Variants in CACHD1 observed in about 807,000 individuals in gnomAD.
CACHD1 encodes the protein cache domain containing 1, also known as VWFA and cache domain-containing protein 1.
A neutral mutation model predicts 138.7 loss-of-function variants in CACHD1; 71 were observed. That is an observed-to-expected ratio of 0.51 (90% CI 0.42 to 0.62). The LOEUF is 0.62. Among genes scored for constraint, CACHD1 ranks in the 20% least tolerant of loss-of-function variants. The pLI is 0.00. For missense variants in CACHD1, 1,389 were observed against 1,625.3 expected, an observed-to-expected ratio of 0.85 and a Z score of 2.50; for synonymous variants, 578 against 591.5, an observed-to-expected ratio of 0.98 and a Z score of 0.33.
chr1:64,595,650 C>T (rs1259509976), intron 3 of CACHD1, among the ~76,000 whole-genome samples: 3 of 152,126 alleles, frequency 2.0e-5, no homozygotes, highest in South Asian at 2.1e-4. Flanking sequence ...TGTGGTTGTG[C>T]GCCCACTTCC....
chr1:64,616,232 A>G (rs1284111283), intron 4 of CACHD1, among the ~76,000 whole-genome samples: 2 of 152,110 alleles, frequency 1.3e-5, no homozygotes, highest in African/African-American at 4.8e-5. Flanking sequence ...TAGTTACCTA[A>G]TCTTGAGACC....
Position 64,691,904 on chromosome 1 carries a change from A to C in CACHD1, c.*343A>C. On this transcript the variant is annotated 3_prime_UTR_variant, in exon 27 of 27. Transcript: ENST00000651257. ...CCAGAGGAATGTTCCAAAGAGCCAG[A>C]AGCATTCAGCTCTCCTTAACTGGAA... 1 of 291,378 alleles carries C rather than the reference A, an allele frequency of 3.4e-6. No homozygotes were observed. The highest frequency in any genetic ancestry group is 6.6e-6 in the Non-Finnish European group (1 of 151,272). 18.0% of individuals were successfully genotyped at this position (291,378 alleles called of 1,614,324 possible). A position where few individuals can be genotyped will look rare whatever the true frequency, so the allele number is the denominator to read the frequency against.
At chr1:64,574,291 C>T (rs1646949799) in intron 2 of CACHD1, among the ~76,000 whole-genome samples, 1 of 152,164 alleles carries the variant, frequency 6.6e-6, no homozygotes, top group African/African-American at 2.4e-5. Flanking sequence ...ATATCTGCTC[C>T]GCCTAGCTCC....
chr1:64,603,466 T>G (rs1351120087), intron 4 of CACHD1, among the ~76,000 whole-genome samples: 1 of 152,160 alleles, frequency 6.6e-6, no homozygotes, highest in Non-Finnish European at 1.5e-5. Context: ...TCTATGCTCT[T>G]CAATCTATTA....
chr1:64,593,026 A>G (rs1338506196), intron 3 of CACHD1, among the ~76,000 whole-genome samples: 1 of 152,244 alleles, frequency 6.6e-6, no homozygotes, highest in Non-Finnish European at 1.5e-5. Flanking sequence ...ATGGGAATCT[A>G]TTAACTAAAG....
rs750590242 is a variant in CACHD1 at position 64,652,167 on chromosome 1, T to A, written c.1397T>A (p.Ile466Lys). The stretch of plus-strand genomic sequence containing the variant: ...TTTTGTTTTTAACCCATAGGTTTGA[T>A]AATGACTGTGAGTAAACCCTGTTAT... ...PFSDEMGDGL[I>K]MTVSKPCYFG... The change falls in exon 10 of 27, where the codon ATA becomes AAA. Residue 466 changes from isoleucine (I) to lysine (K), a missense_variant. Ile to Lys is a moderately radical substitution (Grantham distance 102). Coordinates refer to ENST00000651257, the MANE Select transcript of CACHD1 (RefSeq NM_020925.4). 16 of 1,607,506 alleles carry A rather than the reference T, an allele frequency of 1.0e-5. No homozygotes were observed. Among genetic ancestry groups the A allele is most frequent in the Non-Finnish European group, 1.3e-5 (15 of 1,178,008 alleles).
intron 15 of CACHD1, 122 bp downstream of exon 15, chr1:64,664,801 A>G (rs1398682379): frequency 4.7e-6 from 4 of 845,742 alleles, no homozygotes; most frequent in Non-Finnish European, 7.0e-6. Flanking sequence ...ATGGTGGTGA[A>G]AAATGTTCCT....
intron 1 of CACHD1, among the ~76,000 whole-genome samples, chr1:64,486,328 T>C (rs771038710): frequency 2.4e-4 from 37 of 151,312 alleles, no homozygotes; most frequent in Non-Finnish European, 4.0e-4. Context: ...TATTCATTTA[T>C]TGTCAAGTTT....
At chr1:64,479,498 G>A (rs1646196619) in intron 1 of CACHD1, among the ~76,000 whole-genome samples, 1 of 152,216 alleles carries the variant, frequency 6.6e-6, no homozygotes, top group Non-Finnish European at 1.5e-5. Context: ...TGGAAAGATG[G>A]CATTATGGTT....
intron 2 of CACHD1, among the ~76,000 whole-genome samples, chr1:64,567,159 C>G (rs1199686485): frequency 6.6e-6 from 1 of 152,126 alleles, no homozygotes; most frequent in Non-Finnish European, 1.5e-5. Context: ...GTGATGAACT[C>G]AGCACACATT....
intron 1 of CACHD1, among the ~76,000 whole-genome samples, chr1:64,471,546 TC>T (rs1646144626): frequency 6.6e-6 from 1 of 151,704 alleles, no homozygotes; most frequent in Non-Finnish European, 1.5e-5. Flanking sequence ...CGCGCTCCTT[TC>T]CCCTCCCGGG....
intron 9 of CACHD1, among the ~76,000 whole-genome samples, chr1:64,651,490 C>G (rs116706579): frequency 0.011 from 1,643 of 152,164 alleles, 15 homozygotes; most frequent in Non-Finnish European, 0.014. Context: ...AATGCTGTGT[C>G]CTTTAAACAG....
chr1:64,689,582 AT>A (rs1272868473), intron 26 of CACHD1, among the ~76,000 whole-genome samples: 1 of 151,942 alleles, frequency 6.6e-6, no homozygotes, highest in African/African-American at 2.4e-5. Context: ...TGATCATGCC[AT>A]TTTTTGGCCT....
intron 4 of CACHD1, among the ~76,000 whole-genome samples, chr1:64,625,517 C>T (rs1338571997): frequency 6.6e-6 from 1 of 151,996 alleles, no homozygotes; most frequent in East Asian, 1.9e-4. Context: ...ATCCCAGCTA[C>T]TTGGGCGGCT....
intron 4 of CACHD1, among the ~76,000 whole-genome samples, chr1:64,613,146 G>A (rs375167331): frequency 2.8e-4 from 42 of 152,312 alleles, no homozygotes; most frequent in African/African-American, 9.9e-4. Flanking sequence ...AGTAGAGCCT[G>A]AAGATGTGCC....
At chr1:64,649,181 A>T (rs1304150925) in intron 9 of CACHD1, among the ~76,000 whole-genome samples, 1 of 152,156 alleles carries the variant, frequency 6.6e-6, no homozygotes, top group African/African-American at 2.4e-5. Flanking sequence ...AGGAAGAAAT[A>T]AGCCAACTGC....
At chr1:64,637,220 T>G (rs1648556106) in intron 7 of CACHD1, among the ~76,000 whole-genome samples, 2 of 152,220 alleles carry the variant, frequency 1.3e-5, no homozygotes, top group African/African-American at 4.8e-5. Context: ...AGAGAAATGT[T>G]AGACTAGCAG....
intron 2 of CACHD1, among the ~76,000 whole-genome samples, chr1:64,555,756 G>T (rs1646792383): frequency 6.6e-6 from 1 of 152,150 alleles, no homozygotes; most frequent in African/African-American, 2.4e-5. Flanking sequence ...AATTGATTTT[G>T]GTGTTGGATG....
rs184226795 is a variant in CACHD1, at chr1:64,554,426, T to C, written c.261+3770T>C. The stretch of plus-strand genomic sequence containing the variant: ...AATCACTTCTCTAGAGTAGAAGTGC[T>C]GGGTGTCAGTGTTCAACATGACTGA... On this transcript the variant is annotated intron_variant, in intron 2 of 26. Coordinates refer to ENST00000651257, the MANE Select transcript of CACHD1 (RefSeq NM_020925.4). Among the ~76,000 whole-genome samples the C allele has an allele frequency of 1.5e-4, 23 of 152,300 alleles. No homozygotes were observed. In the East Asian group the frequency reaches 4.2e-3, roughly 28 times the overall value.
Sources: allele counts gnomAD v4.1 joint callset (sites outside exome capture counted in the v4.1 genomes callset), GRCh38; gene constraint gnomAD v4.1.1; transcripts MANE v1.5; gene names NCBI Gene and HGNC (gene_info 2026-07-23, HGNC 2026-07-21).